KCNMA1: variants seen among roughly 807,000 people sequenced by gnomAD.
The protein encoded by KCNMA1 is potassium calcium-activated channel subfamily M alpha 1, also known as Calcium-activated potassium channel subunit alpha-1.
KCNMA1 carries 29 observed loss-of-function variants against 140.0 expected under a neutral mutation model. That is an observed-to-expected ratio of 0.21 (90% CI 0.15 to 0.28). KCNMA1 has a LOEUF of 0.28. KCNMA1 is among the 10% of genes least tolerant of loss of function. The pLI, the probability that KCNMA1 is intolerant of heterozygous loss-of-function variation, is 1.00. For missense variants in KCNMA1, 880 were observed against 1,602.2 expected (o/e 0.55, Z 7.70); for synonymous variants, 612 against 611.9 (o/e 1.00, Z 0.00).
chr10:77,411,120 A>G (rs2096609694), intron 1 of KCNMA1, among the ~76,000 whole-genome samples: 1 of 152,244 alleles, frequency 6.6e-6, no homozygotes, highest in Non-Finnish European at 1.5e-5. Flanking sequence ...CTCCTGTCTC[A>G]GCCTCCTGAG....
intron 2 of KCNMA1, among the ~76,000 whole-genome samples, chr10:77,257,308 C>G (rs1440899996): frequency 6.6e-6 from 1 of 152,144 alleles, no homozygotes; most frequent in African/African-American, 2.4e-5. Flanking sequence ...CAGAGAAATG[C>G]AAAACTGAAA....
At chr10:76,913,036 AC>A (rs1273523397) in intron 24 of KCNMA1, 2 of 152,308 alleles carry the variant, frequency 1.3e-5, no homozygotes, top group East Asian at 3.9e-4. Context: ...TGAGTGGTGG[AC>A]AATTTATTCC....
chr10:77,447,986 T>G (rs759954535), intron 1 of KCNMA1, among the ~76,000 whole-genome samples: 2 of 152,250 alleles, frequency 1.3e-5, no homozygotes, highest in Non-Finnish European at 2.9e-5. Flanking sequence ...TACGGTGTCA[T>G]GCCTAAAATT....
rs1315928490 is a variant in KCNMA1, at chr10:77,322,435, GAA to G, written c.541-71181_541-71180del. Among the ~76,000 whole-genome samples the G allele has an allele frequency of 3.3e-5, 5 of 152,336 alleles. No homozygotes were observed. In the East Asian group the frequency reaches 5.8e-4, roughly 18 times the overall value. On this transcript the variant is annotated intron_variant, in intron 2 of 27. Coordinates refer to ENST00000286628, the MANE Select transcript of KCNMA1 (RefSeq NM_001161352.2). ...TCACCAGAAAAGACAAGAGGATACA[GAA>G]CACTGAGCAACTCACAAGATGTGTG...
At chr10:76,904,659 C>T (rs1376628412) in intron 25 of KCNMA1, 3 of 151,854 alleles carry the variant, frequency 2.0e-5, no homozygotes, top group Non-Finnish European at 4.4e-5. Context: ...CCTTTTTCTC[C>T]TCAGAAGGAG....
At chr10:77,242,391 TA>T (rs1349464024) in intron 3 of KCNMA1, among the ~76,000 whole-genome samples, 1 of 152,112 alleles carries the variant, frequency 6.6e-6, no homozygotes, top group African/African-American at 2.4e-5. Context: ...GTACAGGCCA[TA>T]ATGAGAGTCT....
chr10:76,940,497 A>G (rs1430968299), intron 23 of KCNMA1, among the ~76,000 whole-genome samples: 1 of 152,178 alleles, frequency 6.6e-6, no homozygotes, highest in Non-Finnish European at 1.5e-5. Flanking sequence ...CTGGCCCAAG[A>G]GCATGACATT....
At chr10:77,359,559 G>A (rs926146318) in intron 2 of KCNMA1, among the ~76,000 whole-genome samples, 1 of 152,144 alleles carries the variant, frequency 6.6e-6, no homozygotes, top group Non-Finnish European at 1.5e-5. Context: ...CCCTAAAAAA[G>A]CATGTTCTCA....
intron 2 of KCNMA1, among the ~76,000 whole-genome samples, chr10:77,366,025 A>G (rs1004417084): frequency 6.6e-6 from 1 of 152,202 alleles, no homozygotes; most frequent in Non-Finnish European, 1.5e-5. Flanking sequence ...CAGTGAGGTG[A>G]ATAATTCAGT....
At chr10:77,555,955 C>T (rs1446081164) in intron 1 of KCNMA1, among the ~76,000 whole-genome samples, 1 of 152,196 alleles carries the variant, frequency 6.6e-6, no homozygotes, top group Non-Finnish European at 1.5e-5. Flanking sequence ...AACATTGACA[C>T]TCTATAAAGC....
In KCNMA1 at chr10:77,027,599, C is replaced by G. The variant is rs189650733; in HGVS notation, c.1928+224G>C. Among the ~76,000 whole-genome samples, 19 of 152,340 alleles carry G rather than the reference C, an allele frequency of 1.2e-4. No homozygotes were observed. The East Asian group carries it at 3.1e-3, about 25-fold the overall frequency. ...CTCATCCCTCTTCCCTGGAGAAACACTCTCTGAATGCCCAGCAGGGCTTTG... is the reference window on the plus strand; with the variant it reads ...CTCATCCCTCTTCCCTGGAGAAACAGTCTCTGAATGCCCAGCAGGGCTTTG... On this transcript the variant is annotated intron_variant, in intron 16 of 27. Coordinates refer to ENST00000286628, the MANE Select transcript of KCNMA1 (RefSeq NM_001161352.2).
At chr10:76,947,523 A>G (rs1482325295) in intron 22 of KCNMA1, among the ~76,000 whole-genome samples, 1 of 152,180 alleles carries the variant, frequency 6.6e-6, no homozygotes, top group Non-Finnish European at 1.5e-5. Context: ...ACACTTTCAG[A>G]GGTCAGGGGA....
At chr10:77,541,410 T>C (rs2060155261) in intron 1 of KCNMA1, among the ~76,000 whole-genome samples, 1 of 152,152 alleles carries the variant, frequency 6.6e-6, no homozygotes, top group South Asian at 2.1e-4. Context: ...CTAATTTTGT[T>C]CCTCAAAACA....
chr10:77,637,737 T>TGCTGTC lies in KCNMA1; in HGVS notation c.-96_-95insGACAGC, dbSNP rs1555529240. 2 of 1,305,554 alleles carry TGCTGTC rather than the reference T, an allele frequency of 1.5e-6. No homozygotes were observed. The highest frequency in any genetic ancestry group is 9.6e-7 in the Non-Finnish European group (1 of 1,039,246). The allele number at this position is 1,305,554 out of a possible 1,614,324, so 80.9% of individuals were successfully genotyped here. On this transcript the variant is annotated 5_prime_UTR_variant, in exon 1 of 28. Transcript: ENST00000286628. The stretch of plus-strand genomic sequence containing the variant: ...CCATCAACAGCCATATTGCTGCTAC[T>TGCTGTC]GCTGCCGCCGCCGCCGCCGCCGCGG...
At chr10:77,169,550 G>A (rs1026487930) in intron 5 of KCNMA1, among the ~76,000 whole-genome samples, 12 of 151,814 alleles carry the variant, frequency 7.9e-5, no homozygotes, top group Non-Finnish European at 1.5e-4. Flanking sequence ...CCACCATGCC[G>A]GGCTAATTTT....
chr10:77,063,117 G>GA (rs2095815416), intron 14 of KCNMA1, among the ~76,000 whole-genome samples: 2 of 152,184 alleles, frequency 1.3e-5, no homozygotes, highest in African/African-American at 4.8e-5. Context: ...GAATTTAAGT[G>GA]AAAATGTATA....
chr10:76,988,495 T>G (rs1217304743), intron 19 of KCNMA1, among the ~76,000 whole-genome samples: 1 of 152,020 alleles, frequency 6.6e-6, no homozygotes, highest in Non-Finnish European at 1.5e-5. Context: ...ACCACTGCAC[T>G]CCAGCCTGGG....
chr10:76,970,884 G>A (rs1026216181), intron 19 of KCNMA1: 16 of 152,490 alleles, frequency 1.0e-4, no homozygotes, highest in African/African-American at 3.9e-4. Context: ...TTTTCCAAAT[G>A]TCTAAACCAC....
At chr10:77,490,583 C>A (rs1252180165) in intron 1 of KCNMA1, among the ~76,000 whole-genome samples, 1 of 152,168 alleles carries the variant, frequency 6.6e-6, no homozygotes, top group African/African-American at 2.4e-5. Context: ...ACGCTAAGAC[C>A]ACACTAGGTT....
Sources: allele counts gnomAD v4.1 joint callset (sites outside exome capture counted in the v4.1 genomes callset), GRCh38; gene constraint gnomAD v4.1.1; transcripts MANE v1.5; gene names NCBI Gene and HGNC (gene_info 2026-07-23, HGNC 2026-07-21).